SYN3: variants seen among roughly 807,000 people sequenced by gnomAD.
SYN3 encodes synapsin III, also known as synapsin-3.
In SYN3, 35 loss-of-function variants were observed where a neutral mutation model predicts 65.8. The observed-to-expected ratio is 0.53, with a 90% CI of 0.41 to 0.70. The LOEUF (loss-of-function observed/expected upper bound fraction) is 0.70. SYN3 is among the 30% of genes least tolerant of loss of function. The pLI, the probability that SYN3 is intolerant of heterozygous loss-of-function variation, is 0.00. For synonymous variants in SYN3, 270 were observed against 292.9 expected (o/e 0.92, Z 0.80); for missense variants, 680 against 749.0 (o/e 0.91, Z 1.08).
At chr22:32,818,881 G>A (rs891471431) in intron 6 of SYN3, among the ~76,000 whole-genome samples, 2 of 152,198 alleles carry the variant, frequency 1.3e-5, no homozygotes, top group Admixed American at 6.5e-5. Context: ...CTGAAGCCAC[G>A]GGCCAGGCAG....
At chr22:32,921,058 T>G (rs1482236620) in intron 4 of SYN3, among the ~76,000 whole-genome samples, 2 of 152,174 alleles carry the variant, frequency 1.3e-5, no homozygotes, top group Non-Finnish European at 2.9e-5. Context: ...GTTGTCAGAT[T>G]CTAAATACCT....
intron 3 of SYN3, among the ~76,000 whole-genome samples, chr22:32,961,838 A>G (rs1051214460): frequency 6.6e-6 from 1 of 152,206 alleles, no homozygotes; most frequent in African/African-American, 2.4e-5. Flanking sequence ...AACAGACCAA[A>G]TTCTCAACGT....
At chr22:32,766,108 G>A (rs1312108881) in intron 6 of SYN3, among the ~76,000 whole-genome samples, 4 of 152,178 alleles carry the variant, frequency 2.6e-5, no homozygotes, top group Non-Finnish European at 5.9e-5. Flanking sequence ...ACTGGAGGAG[G>A]TATTTGGAGC....
At chr22:32,687,288 G>A (rs1030008940) in intron 6 of SYN3, among the ~76,000 whole-genome samples, 9 of 151,798 alleles carry the variant, frequency 5.9e-5, no homozygotes, top group Non-Finnish European at 1.2e-4. Context: ...TCAGCCTGCC[G>A]AGTAGCTGGG....
intron 6 of SYN3, among the ~76,000 whole-genome samples, chr22:32,625,210 A>G (rs1274062509): frequency 6.6e-6 from 1 of 152,186 alleles, no homozygotes; most frequent in Admixed American, 6.5e-5. Flanking sequence ...ATGTGGACGG[A>G]TTTCACTGGG....
chr22:32,820,410 C>G (rs2047214185), intron 6 of SYN3, among the ~76,000 whole-genome samples: 1 of 151,674 alleles, frequency 6.6e-6, no homozygotes, highest in Admixed American at 6.6e-5. Context: ...TGTCATCCTC[C>G]TCTGCTCATC....
chr22:32,870,951 G>C (rs916861281), intron 4 of SYN3, among the ~76,000 whole-genome samples: 1 of 152,120 alleles, frequency 6.6e-6, no homozygotes, highest in African/African-American at 2.4e-5. Flanking sequence ...CTAGATGCTT[G>C]CTTGTCTGTT....
chr22:32,866,980 T>C (rs1287906144), intron 5 of SYN3, among the ~76,000 whole-genome samples: 1 of 152,152 alleles, frequency 6.6e-6, no homozygotes, highest in African/African-American at 2.4e-5. Context: ...ATCATAACCC[T>C]ACCAGGAAGG....
At chr22:32,960,110 G>GTATTCTGA (rs1330451667) in intron 3 of SYN3, among the ~76,000 whole-genome samples, 5 of 152,210 alleles carry the variant, frequency 3.3e-5, no homozygotes, top group Non-Finnish European at 7.3e-5. Flanking sequence ...TTCATTGTCT[G>GTATTCTGA]TATTCTGATG....
intron 6 of SYN3, among the ~76,000 whole-genome samples, chr22:32,627,953 C>G (rs537425418): frequency 6.6e-6 from 1 of 152,088 alleles, no homozygotes; most frequent in South Asian, 2.1e-4. Context: ...CTCAGCCTCC[C>G]GAGTAGCTGG....
intron 7 of SYN3, among the ~76,000 whole-genome samples, chr22:32,561,232 A>G (rs1016186114): frequency 1.4e-4 from 22 of 152,200 alleles, no homozygotes; most frequent in African/African-American, 5.1e-4. Context: ...TCAAGAAGGA[A>G]GTTGCCCCTG....
chr22:33,006,405 G>T lies in SYN3; in HGVS notation c.258C>A (p.Pro86=). The part of the protein sequence containing the change: ...GLMEPPGPST[P]IVQRPRILLV... Reference sequence around the variant, plus strand: ...ACAGGATCCTGGGTCTTTGAACAATGGGCGTGGAGGGACCTGGAGGCTCCA... The same window carrying T: ...ACAGGATCCTGGGTCTTTGAACAATTGGCGTGGAGGGACCTGGAGGCTCCA... Residue 86 remains proline (P), a synonymous_variant, in exon 2 of 14, where the codon CCC becomes CCA. Coordinates refer to ENST00000358763, the MANE Select transcript of SYN3 (RefSeq NM_003490.4). 6.2e-7 allele frequency: 1 copy of T among 1,614,152 alleles called. No homozygotes were observed.
chr22:32,565,619 C>G (rs1044783811), intron 7 of SYN3, among the ~76,000 whole-genome samples: 1 of 150,898 alleles, frequency 6.6e-6, no homozygotes, highest in Non-Finnish European at 1.5e-5. Context: ...TGGGCTCAAG[C>G]AATCCTCCTG....
chr22:32,933,341 A>G (rs977197802), intron 3 of SYN3, among the ~76,000 whole-genome samples: 1 of 152,214 alleles, frequency 6.6e-6, no homozygotes, highest in Non-Finnish European at 1.5e-5. Context: ...GGAGGCAGAA[A>G]AAGATCAAAT....
intron 6 of SYN3, among the ~76,000 whole-genome samples, chr22:32,616,159 G>A (rs567801358): frequency 2.3e-3 from 348 of 152,314 alleles, no homozygotes; most frequent in African/African-American, 8.2e-3. Context: ...CCCAGGGAAG[G>A]GTGCAGAGTT....
chr22:32,749,871 C>T (rs1414822222), intron 6 of SYN3, among the ~76,000 whole-genome samples: 2 of 152,128 alleles, frequency 1.3e-5, no homozygotes, highest in Non-Finnish European at 2.9e-5. Flanking sequence ...ATGCCAAGCT[C>T]CTCTGGATGG....
chr22:33,036,590 C>G (rs1380184434), intron 1 of SYN3, among the ~76,000 whole-genome samples: 1 of 151,424 alleles, frequency 6.6e-6, no homozygotes, highest in Non-Finnish European at 1.5e-5. Context: ...TTACTTTCCA[C>G]AATTTGCTGC....
At chr22:32,757,065 G>GA (rs1308429344) in intron 6 of SYN3, among the ~76,000 whole-genome samples, 1 of 150,294 alleles carries the variant, frequency 6.7e-6, no homozygotes, top group African/African-American at 2.5e-5. Flanking sequence ...TTTGAGGGGG[G>GA]GTGGTTTGGA....
chr22:32,627,233 A>T (rs1232593314), intron 6 of SYN3, among the ~76,000 whole-genome samples: 1 of 152,072 alleles, frequency 6.6e-6, no homozygotes, highest in Admixed American at 6.6e-5. Flanking sequence ...CATTCTGAAC[A>T]TTTGGGAACA....
Sources: gnomAD v4.1 joint callset for allele counts (sites outside exome capture counted in the v4.1 genomes callset) on GRCh38, gnomAD v4.1.1 for gene constraint, MANE v1.5 for transcripts, NCBI Gene and HGNC (gene_info 2026-07-23, HGNC 2026-07-21) for gene names.